Variants in ITGAE observed in about 807,000 individuals in gnomAD.
ITGAE encodes integrin alpha-E.
A neutral mutation model predicts 136.5 loss-of-function variants in ITGAE; 99 were observed. The observed-to-expected ratio is 0.73, with a 90% confidence interval of 0.62 to 0.86. The LOEUF (loss-of-function observed/expected upper bound fraction) is 0.86. Ranked by LOEUF, ITGAE falls within the 40% of genes least tolerant of loss-of-function variation. The probability of loss-of-function intolerance (pLI) is 0.00; values close to 1 mark genes in which losing one functional copy is unlikely to be tolerated. For synonymous variants in ITGAE, 613 were observed against 591.8 expected (o/e 1.04, Z -0.52); for missense variants, 1,447 against 1,515.3 (o/e 0.95, Z 0.75).
intron 1 of ITGAE, among the ~76,000 whole-genome samples, chr17:3,780,261 C>G (rs1328041873): frequency 6.6e-6 from 1 of 151,698 alleles, no homozygotes; most frequent in African/African-American, 2.4e-5. Context: ...AGCTTTGCCT[C>G]CCAGGTTCAC....
chr17:3,735,035 G>C, intron 20 of ITGAE, 86 bp from the exon 21 acceptor site: 1 of 1,484,024 alleles, frequency 6.7e-7, no homozygotes, highest in Non-Finnish European at 9.3e-7. Flanking sequence ...ACCGAGGCTA[G>C]AGCGTGGTGC....
intron 1 of ITGAE, 145 bp downstream of exon 1, chr17:3,800,966 T>C (rs993258807): frequency 2.5e-5 from 23 of 928,832 alleles, no homozygotes; most frequent in Admixed American, 6.2e-5. Flanking sequence ...CGAGCAAGAC[T>C]CCTTTCCTGG....
chr17:3,760,137 T>C (rs374294613), intron 7 of ITGAE, 35 bp downstream of exon 7: 2 of 1,218,688 alleles, frequency 1.6e-6, no homozygotes, highest in South Asian at 2.4e-5. Flanking sequence ...TTCTCAGCAA[T>C]AGATAAGTGT....
chr17:3,745,467 G>A lies in ITGAE; in HGVS notation c.2319+297C>T, dbSNP rs57865246. Among the ~76,000 whole-genome samples the A allele has an allele frequency of 3.1e-3, 478 of 152,052 alleles. 3 individuals are homozygous for A. The highest frequency in any genetic ancestry group is 0.011 in the African/African-American group (453 of 41,490). ...AGCGATTCTCCTGCCTCAGCCTCCC[G>A]AGTAGCTGGGATTACAGGCACCCGC... On this transcript the variant is annotated intron_variant, in intron 18 of 30. Coordinates refer to ENST00000263087, the MANE Select transcript of ITGAE (RefSeq NM_002208.5).
Position 3,734,801 on chromosome 17 carries a change from C to A in ITGAE, c.2655+16G>T. The A allele has an allele frequency of 1.9e-6, 3 of 1,613,868 alleles. No homozygotes were observed. The highest frequency in any genetic ancestry group is 2.5e-6 in the Non-Finnish European group (3 of 1,179,840). On this transcript the variant is annotated intron_variant, in intron 21 of 30. Coordinates refer to ENST00000263087, the MANE Select transcript of ITGAE (RefSeq NM_002208.5). ...GGGCGTGAGGGACCTGTTTCCACAGCCACCGTCACAGTCACCTTTTGCATC... is the reference window on the plus strand; with the variant it reads ...GGGCGTGAGGGACCTGTTTCCACAGACACCGTCACAGTCACCTTTTGCATC...
intron 1 of ITGAE, among the ~76,000 whole-genome samples, chr17:3,789,378 G>C (rs567583679): frequency 6.6e-6 from 1 of 152,242 alleles, no homozygotes; most frequent in South Asian, 2.1e-4. Flanking sequence ...GTGCATTTCA[G>C]GGCCATCAAA....
chr17:3,789,512 GT>G (rs1203750576), intron 1 of ITGAE, among the ~76,000 whole-genome samples: 8 of 15,898 alleles, frequency 5.0e-4, no homozygotes, highest in East Asian at 2.0e-3. Context: ...TTTGTTTTTT[GT>G]TTTTTGAGAT....
chr17:3,763,999 T>C (rs1597346154), intron 2 of ITGAE, 39 bp from the exon 3 acceptor site: 1 of 1,449,284 alleles, frequency 6.9e-7, no homozygotes, highest in South Asian at 1.2e-5. Flanking sequence ...AGCTGGCTGA[T>C]GTTCCTCGTC....
At chr17:3,780,256 T>C (rs1261657396) in intron 1 of ITGAE, among the ~76,000 whole-genome samples, 1 of 152,004 alleles carries the variant, frequency 6.6e-6, no homozygotes, top group Non-Finnish European at 1.5e-5. Context: ...CTGCAAGCTT[T>C]GCCTCCCAGG....
chr17:3,761,628 G>A, intron 4 of ITGAE, 108 bp from the exon 5 acceptor site: 1 of 1,062,780 alleles, frequency 9.4e-7, no homozygotes, highest in South Asian at 1.5e-5. Flanking sequence ...ACCAGGCAGG[G>A]GGCACAGGAA....
In ITGAE at chr17:3,729,585, A is replaced by G. The variant is rs781296561; in HGVS notation, c.2835-30T>C. 2.2e-6 allele frequency: 3 copies of G among 1,354,768 alleles called. No homozygotes were observed. The East Asian group carries it at 6.9e-5, about 31-fold the overall frequency. 83.9% of individuals were successfully genotyped at this position (1,354,768 alleles called of 1,614,324 possible). ...GAATAAGAGTGTTAGTTCATAGCACACCTGCTTTGTACATAGCAAGTGCTT... is the reference window on the plus strand; with the variant it reads ...GAATAAGAGTGTTAGTTCATAGCACGCCTGCTTTGTACATAGCAAGTGCTT... On this transcript the variant is annotated intron_variant, in intron 23 of 30. Transcript: ENST00000263087.
intron 2 of ITGAE, among the ~76,000 whole-genome samples, chr17:3,776,327 G>C (rs1053385941): frequency 2.0e-5 from 3 of 151,746 alleles, no homozygotes; most frequent in African/African-American, 7.3e-5. Flanking sequence ...CAAAGTGCTG[G>C]GATTACAGGC....
At chr17:3,782,949 G>A (rs781072727) in intron 1 of ITGAE, among the ~76,000 whole-genome samples, 8 of 152,116 alleles carry the variant, frequency 5.3e-5, no homozygotes, top group East Asian at 1.9e-4. Context: ...ACAAATCTGC[G>A]TTGCATGTCA....
intron 2 of ITGAE, among the ~76,000 whole-genome samples, chr17:3,771,852 T>G (rs1322629512): frequency 6.6e-6 from 1 of 152,164 alleles, no homozygotes; most frequent in Non-Finnish European, 1.5e-5. Flanking sequence ...TGCATTCTTC[T>G]GTATGGCACA....
intron 29 of ITGAE, among the ~76,000 whole-genome samples, chr17:3,719,865 T>A (rs1180532144): frequency 6.6e-6 from 1 of 152,082 alleles, no homozygotes; most frequent in Non-Finnish European, 1.5e-5. Context: ...GTAGGTGGGA[T>A]TACAGGCACC....
intron 2 of ITGAE, among the ~76,000 whole-genome samples, chr17:3,768,541 C>A (rs941761030): frequency 6.6e-6 from 1 of 152,154 alleles, no homozygotes; most frequent in Non-Finnish European, 1.5e-5. Context: ...AGGCCCTCCA[C>A]GGCGCTGTTC....
chr17:3,768,912 C>T (rs765529794), intron 2 of ITGAE, among the ~76,000 whole-genome samples: 126 of 152,300 alleles, frequency 8.3e-4, no homozygotes, highest in Admixed American at 2.0e-3. Context: ...ACAGCCCAGG[C>T]AACAGCTGAG....
chr17:3,726,117 G>A, intron 26 of ITGAE: 1 of 1,614,200 alleles, frequency 6.2e-7, no homozygotes, highest in Non-Finnish European at 8.5e-7. Context: ...CATGAAGAAG[G>A]AGAATAACAA....
intron 1 of ITGAE, among the ~76,000 whole-genome samples, chr17:3,796,161 G>GTGCGCATCCGTGTGTGTT (rs1567565813): frequency 5.1e-5 from 4 of 77,866 alleles, no homozygotes; most frequent in African/African-American, 2.0e-4. Flanking sequence ...GTGTGTGTGT[G>GTGCGCATCCGTGTGTGTT]TGTGCATCCG....
Sources: allele counts gnomAD v4.1 joint callset (sites outside exome capture counted in the v4.1 genomes callset), GRCh38; gene constraint gnomAD v4.1.1; transcripts MANE v1.5; gene names NCBI Gene and HGNC (gene_info 2026-07-23, HGNC 2026-07-21).